CDRT4: variants seen among roughly 807,000 people sequenced by gnomAD.
CDRT4 encodes the protein CMT1A duplicated region transcript 4 protein.
For missense variants in CDRT4, 167 were observed against 193.1 expected (o/e 0.87, Z 0.80); for synonymous variants, 64 against 69.6 (o/e 0.92, Z 0.40).
chr17:15,466,997 G>C (rs1006470881), intron 1 of CDRT4, among the ~76,000 whole-genome samples: 1 of 152,156 alleles, frequency 6.6e-6, no homozygotes, highest in Non-Finnish European at 1.5e-5. Flanking sequence ...TTGGTCCTGA[G>C]CTCTGTGGAG....
intron 1 of CDRT4, among the ~76,000 whole-genome samples, chr17:15,453,378 T>C (rs577904168): frequency 3.3e-5 from 5 of 152,322 alleles, no homozygotes; most frequent in Admixed American, 6.5e-5. Context: ...GTGGGTAACA[T>C]GCCAGGAAAT....
chr17:15,457,200 G>A (rs1013659735), intron 1 of CDRT4, among the ~76,000 whole-genome samples: 3 of 152,190 alleles, frequency 2.0e-5, no homozygotes, highest in African/African-American at 7.2e-5. Context: ...CAGTCCCCAG[G>A]AAATGGAATG....
In CDRT4 at chr17:15,437,215, CAG is replaced by C. The variant is rs1978531796; in HGVS notation, c.*556_*557del. 1 of 159,354 alleles carries C rather than the reference CAG, an allele frequency of 6.3e-6. No homozygotes were observed. The highest frequency in any genetic ancestry group is 1.4e-5 in the Non-Finnish European group (1 of 72,116). 9.9% of individuals were successfully genotyped at this position (159,354 alleles called of 1,614,324 possible). ...TCCCCACAGGACTCTCCTCAGAGCT[CAG>C]AGATACCAGCTGCATTGAGTGGCAT... On this transcript the variant is annotated 3_prime_UTR_variant, in exon 4 of 4. Transcript: ENST00000619038.
At chr17:15,456,951 T>C (rs1228507665) in intron 1 of CDRT4, among the ~76,000 whole-genome samples, 1 of 152,184 alleles carries the variant, frequency 6.6e-6, no homozygotes, top group East Asian at 1.9e-4. Context: ...AAGAGGAGAA[T>C]GTTTCCTAAA....
chr17:15,453,521 G>A (rs1287213407), intron 1 of CDRT4, among the ~76,000 whole-genome samples: 1 of 152,160 alleles, frequency 6.6e-6, no homozygotes, highest in Non-Finnish European at 1.5e-5. Flanking sequence ...GCCCTTCATG[G>A]AGCGTGTTCT....
intron 2 of CDRT4, among the ~76,000 whole-genome samples, chr17:15,444,768 C>A (rs1978943559): frequency 7.0e-6 from 1 of 142,200 alleles, no homozygotes; most frequent in Admixed American, 7.1e-5. Flanking sequence ...CTTTTTAGTC[C>A]CTTTCCAGTC....
chr17:15,457,237 A>G (rs1597466722), intron 1 of CDRT4, among the ~76,000 whole-genome samples: 3 of 152,336 alleles, frequency 2.0e-5, no homozygotes, highest in East Asian at 3.9e-4. Flanking sequence ...TGTCCCACCA[A>G]ATGAATTCCT....
intron 2 of CDRT4, among the ~76,000 whole-genome samples, chr17:15,442,761 A>C (rs1168271599): frequency 6.6e-6 from 1 of 152,216 alleles, no homozygotes; most frequent in Non-Finnish European, 1.5e-5. Flanking sequence ...GGAAACGATA[A>C]AAAGAACCAA....
In CDRT4 at chr17:15,462,563, T is replaced by C. The variant is rs566213601; in HGVS notation, c.-130+4897A>G. ...GACACTGCAGACAGAATTGCCCATA[T>C]ATATGGGCATTCATTCAGAAGAATA... On this transcript the variant is annotated intron_variant, in intron 1 of 3. Transcript: ENST00000619038. 6.1e-4 allele frequency among the ~76,000 whole-genome samples: 92 copies of C among 151,384 alleles called. 1 individual carries two copies. The highest frequency in any genetic ancestry group is 3.7e-3 in the Admixed American group (57 of 15,206).
In CDRT4 at chr17:15,461,761, T is replaced by C. The variant is rs144447282; in HGVS notation, c.-130+5699A>G. Among the ~76,000 whole-genome samples, 32 of 152,266 alleles carry C rather than the reference T, an allele frequency of 2.1e-4. No individual in the cohort carries two copies. In the East Asian group the frequency reaches 6.2e-3, roughly 29 times the overall value. On this transcript the variant is annotated intron_variant, in intron 1 of 3. Transcript: ENST00000619038. Reference sequence around the variant, plus strand: ...TGCGCCATTTGCTTTGATAGGAATATAGGCTATATATAAATATAGGCTACA... The same window carrying C: ...TGCGCCATTTGCTTTGATAGGAATACAGGCTATATATAAATATAGGCTACA...
intron 2 of CDRT4, among the ~76,000 whole-genome samples, chr17:15,445,041 A>G (rs1481278545): frequency 6.6e-6 from 1 of 152,208 alleles, no homozygotes; most frequent in Non-Finnish European, 1.5e-5. Context: ...CCATCTTGCA[A>G]AAGGATTTTA....
intron 1 of CDRT4, among the ~76,000 whole-genome samples, chr17:15,463,330 T>C (rs902364138): frequency 6.6e-6 from 1 of 152,212 alleles, no homozygotes; most frequent in African/African-American, 2.4e-5. Flanking sequence ...GACTCCACCA[T>C]CAAACACTGA....
chr17:15,443,864 G>T, intron 2 of CDRT4: 1 of 603,420 alleles, frequency 1.7e-6, no homozygotes, highest in South Asian at 1.4e-5. Flanking sequence ...TACAGAACAT[G>T]ATCAAGGGTG....
chr17:15,459,061 A>G (rs1979618919), intron 1 of CDRT4, among the ~76,000 whole-genome samples: 1 of 152,226 alleles, frequency 6.6e-6, no homozygotes, highest in Non-Finnish European at 1.5e-5. Context: ...GGTCACAGAA[A>G]TGGCGTGAGG....
chr17:15,443,271 T>C (rs1195047976), intron 2 of CDRT4, among the ~76,000 whole-genome samples: 1 of 148,474 alleles, frequency 6.7e-6, no homozygotes, highest in Non-Finnish European at 1.5e-5. Context: ...CTGTAATTTC[T>C]TTTTTTCTTT....
intron 1 of CDRT4, among the ~76,000 whole-genome samples, chr17:15,453,836 C>T (rs1597464616): frequency 6.6e-6 from 1 of 152,176 alleles, no homozygotes; most frequent in Non-Finnish European, 1.5e-5. Flanking sequence ...TCAGAAGCCT[C>T]CGTGTTCTTA....
rs1979923312 is a variant in CDRT4, at chr17:15,464,896, A to T, written c.-130+2564T>A. Among the ~76,000 whole-genome samples the T allele has an allele frequency of 6.6e-6, 1 of 152,158 alleles. No homozygotes were observed. Among genetic ancestry groups the T allele is most frequent in the African/African-American group, 2.4e-5 (1 of 41,434 alleles). ...CAGGGATACGGGAACAGAGGCACAG[A>T]CATCAAGCAGGGTTCAAGAAAGTGC... On this transcript the variant is annotated intron_variant, in intron 1 of 3. Coordinates refer to ENST00000619038, the MANE Select transcript of CDRT4 (RefSeq NM_001204477.2). This position sits in a 1 kb window ranked among gnomAD's most constrained non-coding sequence, Gnocchi z 4.5.
At position 15,462,698 on chromosome 17, in the gene CDRT4, C is replaced by T. The variant is rs115497790; in HGVS notation, c.-130+4762G>A. On this transcript the variant is annotated intron_variant, in intron 1 of 3. Coordinates refer to ENST00000619038, the MANE Select transcript of CDRT4 (RefSeq NM_001204477.2). ...CAGGCACAAAAGAGTAAACATGAGTCGATTTACATAAAGTTCAAAAACAGG... is the reference window on the plus strand; with the variant it reads ...CAGGCACAAAAGAGTAAACATGAGTTGATTTACATAAAGTTCAAAAACAGG... Among the ~76,000 whole-genome samples the T allele has an allele frequency of 1.7e-3, 260 of 152,182 alleles. 1 individual carries two copies. The highest frequency in any genetic ancestry group is 6.0e-3 in the African/African-American group (248 of 41,532).
chr17:15,447,809 G>A (rs1246914061), intron 2 of CDRT4, among the ~76,000 whole-genome samples: 2 of 152,146 alleles, frequency 1.3e-5, no homozygotes, highest in Admixed American at 1.3e-4. Context: ...TCAGAGGAGA[G>A]CTTTTCAACC....
Sources: allele counts gnomAD v4.1 joint callset (sites outside exome capture counted in the v4.1 genomes callset), GRCh38; gene constraint gnomAD v4.1.1; non-coding constraint Gnocchi (gnomAD v3.1); transcripts MANE v1.5; gene names NCBI Gene and HGNC (gene_info 2026-07-23, HGNC 2026-07-21).